NCAPH: variants seen among roughly 807,000 people sequenced by gnomAD.
The protein encoded by NCAPH is non-SMC condensin I complex subunit H, also known as condensin complex subunit 2.
In NCAPH, 38 loss-of-function variants were observed where a neutral mutation model predicts 85.5. That is an observed-to-expected ratio of 0.44 (90% CI 0.34 to 0.58). The LOEUF is 0.58. Ranked by LOEUF, NCAPH falls within the 20% of genes least tolerant of loss-of-function variation. The probability of loss-of-function intolerance (pLI) is 0.01; values close to 1 mark genes in which losing one functional copy is unlikely to be tolerated. For missense variants in NCAPH, 789 were observed against 916.6 expected, an observed-to-expected ratio of 0.86 and a Z score of 1.80; for synonymous variants, 301 against 335.1, an observed-to-expected ratio of 0.90 and a Z score of 1.11.
intron 5 of NCAPH, among the ~76,000 whole-genome samples, chr2:96,343,704 TG>T (rs2064326180): frequency 6.6e-6 from 1 of 151,416 alleles, no homozygotes; most frequent in Admixed American, 6.6e-5. Flanking sequence ...GTTGGAGTTT[TG>T]TTTTTTTTTT....
chr2:96,372,195 C>T (rs568764226), intron 17 of NCAPH, among the ~76,000 whole-genome samples: 2 of 152,248 alleles, frequency 1.3e-5, no homozygotes, highest in Admixed American at 6.5e-5. Context: ...GAAACACTGC[C>T]TGGGGTTGGG....
intron 3 of NCAPH, among the ~76,000 whole-genome samples, chr2:96,342,348 A>G (rs538009507): frequency 1.3e-5 from 2 of 152,340 alleles, no homozygotes; most frequent in Admixed American, 6.5e-5. Context: ...GAAAGGCAGC[A>G]TGGCGCATGA....
In NCAPH at chr2:96,366,088, G is replaced by T. The variant is rs750114135; in HGVS notation, c.1881+30G>T. 55 of 1,606,662 alleles carry T rather than the reference G, an allele frequency of 3.4e-5. No homozygotes were observed. In the South Asian group the frequency reaches 5.7e-4, roughly 17 times the overall value. ...GGATGAAACAGCTGAGAATTACATT[G>T]TTTGCCTGAAATCTATTTAATTGTC... On this transcript the variant is annotated intron_variant, in intron 14 of 17. Transcript: ENST00000240423.
intron 3 of NCAPH, 136 bp downstream of exon 3, chr2:96,342,276 C>T (rs1294113664): frequency 1.2e-6 from 1 of 846,694 alleles, no homozygotes; most frequent in Non-Finnish European, 1.9e-6. Context: ...GGTGGTTTTA[C>T]TGTTTACTCT....
intron 6 of NCAPH, among the ~76,000 whole-genome samples, chr2:96,351,537 T>G (rs2064441514): frequency 6.6e-6 from 1 of 151,904 alleles, no homozygotes. Context: ...GATGTAGTGG[T>G]GCGTACCTGT....
chr2:96,336,303 G>A (rs2064214000), intron 1 of NCAPH, among the ~76,000 whole-genome samples: 1 of 152,218 alleles, frequency 6.6e-6, no homozygotes, highest in Non-Finnish European at 1.5e-5. Flanking sequence ...CCCGTTGGGC[G>A]AACAAAATTG....
Position 96,342,055 on chromosome 2 carries a change from T to C in NCAPH, c.278T>C (p.Ile93Thr), listed in dbSNP as rs922048386. ...RLLASPSSRS[I>T]DISATIPKFT... ...TGTTTTTGTTTTCCATTTAGGAGTA[T>C]TGACATTTCAGCTACTATCCCCAAG... The change falls in exon 3 of 18, where the codon ATT becomes ACT. Residue 93 changes from isoleucine (I) to threonine (T), a missense_variant. Coordinates refer to ENST00000240423, the MANE Select transcript of NCAPH (RefSeq NM_015341.5). 6 of 1,611,176 alleles carry C rather than the reference T, an allele frequency of 3.7e-6. No individual in the cohort carries two copies. Among genetic ancestry groups the C allele is most frequent in the East Asian group, 4.5e-5 (2 of 44,878 alleles).
chr2:96,349,685 A>C (rs759955893), intron 6 of NCAPH, among the ~76,000 whole-genome samples: 3 of 152,138 alleles, frequency 2.0e-5, no homozygotes, highest in Non-Finnish European at 4.4e-5. Flanking sequence ...TTTCTTGGAG[A>C]TCAGAAAGCA....
At chr2:96,348,190 C>CTT (rs544549788) in intron 6 of NCAPH, among the ~76,000 whole-genome samples, 7 of 139,504 alleles carry the variant, frequency 5.0e-5, no homozygotes, top group Non-Finnish European at 4.7e-5. Context: ...AGGTCTCTCT[C>CTT]TTTTTTTTTT....
At chr2:96,359,233 G>A in intron 10 of NCAPH, 40 bp downstream of exon 10, 1 of 1,607,052 alleles carries the variant, frequency 6.2e-7, no homozygotes. Context: ...AAGAAGTAGT[G>A]TAGATGACCA....
chr2:96,363,099 G>C (rs2064649734), intron 12 of NCAPH, among the ~76,000 whole-genome samples: 1 of 152,126 alleles, frequency 6.6e-6, no homozygotes, highest in Non-Finnish European at 1.5e-5. Context: ...CACCCACCCT[G>C]ACAGTCAGTA....
chr2:96,365,146 C>T (rs2064677158), intron 13 of NCAPH, among the ~76,000 whole-genome samples: 1 of 152,060 alleles, frequency 6.6e-6, no homozygotes, highest in African/African-American at 2.4e-5. Context: ...TTCTCTGAGT[C>T]TACTGATGAG....
At chr2:96,348,836 G>A (rs2064397484) in intron 6 of NCAPH, among the ~76,000 whole-genome samples, 1 of 151,902 alleles carries the variant, frequency 6.6e-6, no homozygotes. Flanking sequence ...TTTTAGTAGA[G>A]ATGGGGTTTC....
chr2:96,341,600 A>G (rs779012561), intron 1 of NCAPH, 42 bp from the exon 2 acceptor site: 1 of 1,590,658 alleles, frequency 6.3e-7, no homozygotes. Flanking sequence ...GGATATAGGA[A>G]ATGTTCTCTT....
chr2:96,370,137 A>G (rs2064753194), intron 17 of NCAPH, among the ~76,000 whole-genome samples: 1 of 152,212 alleles, frequency 6.6e-6, no homozygotes, highest in African/African-American at 2.4e-5. Context: ...GCCAGCAGCA[A>G]GCCCACACAT....
At chr2:96,338,086 C>A (rs1414806699) in intron 1 of NCAPH, among the ~76,000 whole-genome samples, 2 of 151,976 alleles carry the variant, frequency 1.3e-5, no homozygotes, top group Non-Finnish European at 2.9e-5. Flanking sequence ...GCCACTACAC[C>A]TTGCTAATTT....
intron 7 of NCAPH, 70 bp downstream of exon 7, chr2:96,352,090 T>C (rs564342948): frequency 1.4e-6 from 2 of 1,407,840 alleles, no homozygotes; most frequent in South Asian, 1.3e-5. Flanking sequence ...AACCATGGGG[T>C]ACAATAAGCC....
chr2:96,341,461 G>T, intron 1 of NCAPH, 181 bp from the exon 2 acceptor site: 1 of 693,786 alleles, frequency 1.4e-6, no homozygotes, highest in South Asian at 2.1e-5. Context: ...GAAACCTATG[G>T]CCTCCCCCCT....
chr2:96,336,752 T>C (rs1573057338), intron 1 of NCAPH, among the ~76,000 whole-genome samples: 1 of 152,146 alleles, frequency 6.6e-6, no homozygotes. Context: ...AGAAATAAAT[T>C]TGGATACCAT....
Sources: gnomAD v4.1 joint callset for allele counts (sites outside exome capture counted in the v4.1 genomes callset) on GRCh38, gnomAD v4.1.1 for gene constraint, MANE v1.5 for transcripts, NCBI Gene and HGNC (gene_info 2026-07-23, HGNC 2026-07-21) for gene names.